Variants in CNTNAP2 observed in about 807,000 individuals in gnomAD.
CNTNAP2 encodes contactin-associated protein-like 2.
CNTNAP2 carries 98 observed loss-of-function variants against 155.2 expected under a neutral mutation model. The ratio of observed to expected loss-of-function variants is 0.63; its 90% CI spans 0.54 to 0.75. The LOEUF is 0.75. Among genes scored for constraint, CNTNAP2 ranks in the 30% least tolerant of loss-of-function variants. CNTNAP2 has a pLI of 0.00. For missense variants in CNTNAP2, 1,727 were observed against 1,688.1 expected, an observed-to-expected ratio of 1.02 and a Z score of -0.40; for synonymous variants, 651 against 631.2, an observed-to-expected ratio of 1.03 and a Z score of -0.47.
At position 146,701,307 on chromosome 7, in the gene CNTNAP2, C is replaced by T. The variant is rs570230443; in HGVS notation, c.98-72964C>T. 5.9e-5 allele frequency among the ~76,000 whole-genome samples: 9 copies of T among 152,168 alleles called. No individual in the cohort carries two copies. The East Asian group carries it at 1.4e-3, about 23-fold the overall frequency. On this transcript the variant is annotated intron_variant, in intron 1 of 23. Coordinates refer to ENST00000361727, the MANE Select transcript of CNTNAP2 (RefSeq NM_014141.6). ...ATGCCCCTCATCATGAAACCCTTCC[C>T]GAGAGTCTTAGAGCACCTGGCCTTT... is the stretch of plus-strand genomic sequence containing the variant.
intron 8 of CNTNAP2, among the ~76,000 whole-genome samples, chr7:147,242,060 T>A (rs1270628674): frequency 6.6e-6 from 1 of 152,228 alleles, no homozygotes; most frequent in Non-Finnish European, 1.5e-5. Flanking sequence ...TGAATTTCCT[T>A]CTTTTCCTGA....
At chr7:146,374,148 T>A (rs530797856) in intron 1 of CNTNAP2, among the ~76,000 whole-genome samples, 15 of 152,142 alleles carry the variant, frequency 9.9e-5, no homozygotes, top group African/African-American at 3.6e-4. Context: ...TTTACGTTTT[T>A]AATCAAATTT....
chr7:146,349,342 A>G (rs1208959574), intron 1 of CNTNAP2, among the ~76,000 whole-genome samples: 1 of 152,228 alleles, frequency 6.6e-6, no homozygotes, highest in Non-Finnish European at 1.5e-5. Context: ...CGAATTCAAC[A>G]GCAGTATTTC....
At chr7:148,247,687 T>C (rs1221333664) in intron 20 of CNTNAP2, among the ~76,000 whole-genome samples, 1 of 149,542 alleles carries the variant, frequency 6.7e-6, no homozygotes, top group African/African-American at 2.5e-5. Context: ...AGAGTCCCAC[T>C]CTGTCGCCCA....
In CNTNAP2 at chr7:147,864,117, A is replaced by G. The variant is rs544804403; in HGVS notation, c.2099-39448A>G. ...ATTAATTTTTGTATATGATGTAAAG[A>G]AAGGATCCAGTTTCAGCTTTCTACA... On this transcript the variant is annotated intron_variant, in intron 13 of 23. Transcript: ENST00000361727. Among the ~76,000 whole-genome samples, 255 of 152,146 alleles carry G rather than the reference A, an allele frequency of 1.7e-3. 1 individual carries two copies. The highest frequency in any genetic ancestry group is 5.8e-3 in the African/African-American group (242 of 41,496).
At chr7:146,821,106 G>A (rs537880011) in intron 2 of CNTNAP2, among the ~76,000 whole-genome samples, 1 of 152,124 alleles carries the variant, frequency 6.6e-6, no homozygotes, top group Admixed American at 6.6e-5. Flanking sequence ...GATGGGTCTT[G>A]ACTCTTTATC....
intron 1 of CNTNAP2, among the ~76,000 whole-genome samples, chr7:146,689,028 T>A (rs1800652062): frequency 6.6e-6 from 1 of 152,210 alleles, no homozygotes; most frequent in Admixed American, 6.5e-5. Context: ...TTGGCATTTT[T>A]AAAACACTTT....
intron 1 of CNTNAP2, among the ~76,000 whole-genome samples, chr7:146,348,984 G>T (rs1794871693): frequency 6.6e-6 from 1 of 151,974 alleles, no homozygotes; most frequent in South Asian, 2.1e-4. Flanking sequence ...TTATTGTCGT[G>T]TTAATAAAGC....
At chr7:147,851,067 A>T in intron 13 of CNTNAP2, among the ~76,000 whole-genome samples, 1 of 152,234 alleles carries the variant, frequency 6.6e-6, no homozygotes, top group Admixed American at 6.5e-5. Context: ...AACTCAAACA[A>T]ATTTACAAGA....
intron 2 of CNTNAP2, among the ~76,000 whole-genome samples, chr7:146,815,779 C>CT (rs1247227384): frequency 2.6e-5 from 4 of 151,762 alleles, no homozygotes; most frequent in African/African-American, 9.7e-5. Context: ...TTTTATTATA[C>CT]TTTAAGTTCT....
chr7:147,350,087 G>A (rs1449740161), intron 9 of CNTNAP2, among the ~76,000 whole-genome samples: 3 of 151,816 alleles, frequency 2.0e-5, no homozygotes, highest in African/African-American at 7.3e-5. Flanking sequence ...GCAAGTGTAG[G>A]GCCTTTGCCC....
At chr7:147,407,121 G>A (rs2116479235) in intron 10 of CNTNAP2, among the ~76,000 whole-genome samples, 1 of 152,118 alleles carries the variant, frequency 6.6e-6, no homozygotes, top group African/African-American at 2.4e-5. Context: ...AACACTTCAG[G>A]CATTTGAAAA....
intron 4 of CNTNAP2, among the ~76,000 whole-genome samples, chr7:147,101,345 T>C (rs1800648327): frequency 6.6e-6 from 1 of 152,180 alleles, no homozygotes; most frequent in African/African-American, 2.4e-5. Context: ...AGGGTGTGGC[T>C]CCATTTCTCG....
chr7:146,635,073 C>T (rs963641221), intron 1 of CNTNAP2, among the ~76,000 whole-genome samples: 2 of 152,102 alleles, frequency 1.3e-5, no homozygotes, highest in African/African-American at 4.8e-5. Context: ...TTTAATCTCA[C>T]TCCACCAAGA....
At chr7:147,558,687 T>C (rs866108766) in intron 11 of CNTNAP2, among the ~76,000 whole-genome samples, 4 of 148,418 alleles carry the variant, frequency 2.7e-5, no homozygotes, top group Middle Eastern at 6.9e-3. Flanking sequence ...CTTTTTTCCT[T>C]CGTTCGTTCT....
At chr7:147,555,698 A>G (rs1002711631) in intron 11 of CNTNAP2, among the ~76,000 whole-genome samples, 6 of 152,234 alleles carry the variant, frequency 3.9e-5, no homozygotes, top group African/African-American at 1.2e-4. Flanking sequence ...AGTTTCTCAC[A>G]TGGGTTAATA....
At chr7:146,610,414 CTTTGTG>C (rs1047961986) in intron 1 of CNTNAP2, among the ~76,000 whole-genome samples, 4 of 151,986 alleles carry the variant, frequency 2.6e-5, no homozygotes, top group Admixed American at 1.3e-4. Flanking sequence ...GCTTTGTTGA[CTTTGTG>C]TTTGTGTGTG....
chr7:147,031,955 A>G (rs1376022972), intron 3 of CNTNAP2, among the ~76,000 whole-genome samples: 1 of 152,210 alleles, frequency 6.6e-6, no homozygotes, highest in Non-Finnish European at 1.5e-5. Context: ...TAGAAATCAG[A>G]AAAGTGTATA....
intron 18 of CNTNAP2, among the ~76,000 whole-genome samples, chr7:148,181,931 G>GTATTTT (rs1795045872): frequency 6.6e-6 from 1 of 151,312 alleles, no homozygotes; most frequent in African/African-American, 2.4e-5. Context: ...CTAAATTTTT[G>GTATTTT]TATTTTTAGT....
Sources: allele counts gnomAD v4.1 joint callset (sites outside exome capture counted in the v4.1 genomes callset), GRCh38; gene constraint gnomAD v4.1.1; transcripts MANE v1.5; gene names NCBI Gene and HGNC (gene_info 2026-07-23, HGNC 2026-07-21).